Variants in SOX5 observed in about 807,000 individuals in gnomAD.
The protein encoded by SOX5 is SRY-box transcription factor 5, also known as transcription factor SOX-5.
In SOX5, 9 loss-of-function variants were observed where a neutral mutation model predicts 92.0. The ratio of observed to expected loss-of-function variants is 0.10; its 90% CI spans 0.06 to 0.17. The LOEUF is 0.17. SOX5 is among the 10% of genes least tolerant of loss of function. The pLI is 1.00. For synonymous variants in SOX5, 344 were observed against 336.3 expected (o/e 1.02, Z -0.25); for missense variants, 642 against 944.5 (o/e 0.68, Z 4.20).
intron 2 of SOX5, among the ~76,000 whole-genome samples, chr12:24,325,492 C>A (rs919171539): frequency 1.3e-5 from 2 of 152,112 alleles, no homozygotes; most frequent in Non-Finnish European, 2.9e-5. Context: ...GCAGGATACA[C>A]AATGAGCCTT....
intron 4 of SOX5, among the ~76,000 whole-genome samples, chr12:24,089,511 T>A (rs1295003232): frequency 2.0e-5 from 3 of 152,258 alleles, no homozygotes; most frequent in Admixed American, 2.0e-4. Context: ...CTTTATACAT[T>A]CAGGAACAGA....
chr12:24,169,265 C>CTAAATTTAAAATTTCTAAAATTTA (rs1953786486), intron 4 of SOX5, among the ~76,000 whole-genome samples: 1 of 152,136 alleles, frequency 6.6e-6, no homozygotes, highest in Non-Finnish European at 1.5e-5. Flanking sequence ...TTTAAAATTT[C>CTAAATTTAAAATTTCTAAAATTTA]ACATGCCTAA....
chr12:23,811,339 C>T (rs1466162087), intron 3 of SOX5, among the ~76,000 whole-genome samples: 3 of 152,064 alleles, frequency 2.0e-5, no homozygotes, highest in African/African-American at 7.2e-5. Context: ...TTGCCAGTAA[C>T]ACATATTATA....
chr12:23,955,346 A>C (rs1946159834), upstream of SOX5, among the ~76,000 whole-genome samples: 1 of 152,144 alleles, frequency 6.6e-6, no homozygotes, highest in Non-Finnish European at 1.5e-5. Context: ...TAGTATTCTT[A>C]TCTCATTTGT....
At chr12:23,910,025 C>T (rs984734370) in intron 1 of SOX5, among the ~76,000 whole-genome samples, 2 of 152,022 alleles carry the variant, frequency 1.3e-5, no homozygotes, top group African/African-American at 4.8e-5. Context: ...GTTTCCTCTC[C>T]ATCACACCAT....
At chr12:24,151,922 T>C (rs1951698171) in intron 4 of SOX5, among the ~76,000 whole-genome samples, 1 of 152,090 alleles carries the variant, frequency 6.6e-6, no homozygotes, top group Non-Finnish European at 1.5e-5. Context: ...ATATAAAATA[T>C]ATTTATTCTA....
chr12:23,838,204 C>T (rs956231093), intron 3 of SOX5, among the ~76,000 whole-genome samples: 2 of 141,648 alleles, frequency 1.4e-5, no homozygotes, highest in Non-Finnish European at 3.0e-5. Flanking sequence ...ATTATATATA[C>T]CCATTTTTCT....
intron 2 of SOX5, among the ~76,000 whole-genome samples, chr12:24,339,564 T>C (rs547828256): frequency 9.9e-4 from 151 of 152,306 alleles, no homozygotes; most frequent in African/African-American, 3.5e-3. Flanking sequence ...CGAAGAGTTC[T>C]GTAGAAGAGA....
At chr12:23,835,650 T>C (rs2096402644) in intron 3 of SOX5, among the ~76,000 whole-genome samples, 1 of 151,922 alleles carries the variant, frequency 6.6e-6, no homozygotes, top group African/African-American at 2.4e-5. Context: ...TACTGATCAC[T>C]ACTATTATTC....
intron 3 of SOX5, among the ~76,000 whole-genome samples, chr12:23,813,368 G>GC (rs1330133992): frequency 9.2e-5 from 14 of 152,150 alleles, no homozygotes; most frequent in Admixed American, 9.2e-4. Flanking sequence ...AACTAAACCA[G>GC]CAGCCATCTG....
chr12:23,665,349 G>A (rs1416749828), intron 7 of SOX5, 95 bp downstream of exon 7: 2 of 1,321,048 alleles, frequency 1.5e-6, no homozygotes, highest in African/African-American at 1.4e-5. Flanking sequence ...TGCTATATGG[G>A]TGATCTCATT....
intron 2 of SOX5, among the ~76,000 whole-genome samples, chr12:24,277,820 C>T (rs895141915): frequency 8.6e-5 from 13 of 151,972 alleles, no homozygotes; most frequent in Non-Finnish European, 1.6e-4. Flanking sequence ...CTTCTTTGAG[C>T]CCATTTAAAC....
intron 2 of SOX5, among the ~76,000 whole-genome samples, chr12:23,870,242 G>A (rs760923970): frequency 5.9e-5 from 9 of 152,074 alleles, no homozygotes; most frequent in Non-Finnish European, 1.2e-4. Context: ...AGGGTACACA[G>A]AAGTCTAGGG....
chr12:24,481,264 G>A (rs927188471), intron 1 of SOX5, among the ~76,000 whole-genome samples: 10 of 152,250 alleles, frequency 6.6e-5, no homozygotes, highest in South Asian at 2.1e-4. Context: ...GCTGGAAAGC[G>A]TAGTGGGGGT....
At chr12:23,569,691 C>G (rs1411701869) in intron 10 of SOX5, among the ~76,000 whole-genome samples, 1 of 152,208 alleles carries the variant, frequency 6.6e-6, no homozygotes, top group East Asian at 1.9e-4. Context: ...ACTCCTGTAT[C>G]CCAAGTTTTT....
At chr12:24,510,856 G>A (rs978372942) in intron 1 of SOX5, among the ~76,000 whole-genome samples, 1 of 152,192 alleles carries the variant, frequency 6.6e-6, no homozygotes, top group Admixed American at 6.5e-5. Flanking sequence ...CCCAGGATAT[G>A]AGTACCCACA....
intron 4 of SOX5, among the ~76,000 whole-genome samples, chr12:24,052,781 T>A (rs191023244): frequency 1.8e-4 from 27 of 152,326 alleles, no homozygotes; most frequent in Admixed American, 1.8e-3. Context: ...AAGTAACAAT[T>A]TTAAGGAAGT....
At chr12:24,397,849 T>G (rs184376041) in intron 1 of SOX5, among the ~76,000 whole-genome samples, 14 of 151,626 alleles carry the variant, frequency 9.2e-5, no homozygotes, top group Admixed American at 2.6e-4. Context: ...ATTATTTAAT[T>G]TATTTATTTA....
intron 1 of SOX5, among the ~76,000 whole-genome samples, chr12:24,534,032 C>T (rs1951419515): frequency 6.6e-6 from 1 of 152,058 alleles, no homozygotes; most frequent in South Asian, 2.1e-4. Context: ...ACCCACCAAT[C>T]ATTATAAAAA....
Sources: allele counts gnomAD v4.1 joint callset (sites outside exome capture counted in the v4.1 genomes callset), GRCh38; gene constraint gnomAD v4.1.1; transcripts MANE v1.5; gene names NCBI Gene and HGNC (gene_info 2026-07-23, HGNC 2026-07-21).